Variants in BRD4 observed in about 807,000 individuals in gnomAD.
BRD4 encodes the protein bromodomain-containing protein 4.
A neutral mutation model predicts 142.1 loss-of-function variants in BRD4; 16 were observed. The observed-to-expected ratio is 0.11, with a 90% CI of 0.08 to 0.17. The LOEUF is 0.17. BRD4 is among the 10% of genes least tolerant of loss of function. BRD4 has a pLI of 1.00. For synonymous variants in BRD4, 833 were observed against 707.5 expected, an observed-to-expected ratio of 1.18 and a Z score of -2.82; for missense variants, 1,424 against 1,810.9, an observed-to-expected ratio of 0.79 and a Z score of 3.88.
At chr19:15,253,347 TGGA>T in intron 11 of BRD4, 1 of 592,420 alleles carries the variant, frequency 1.7e-6, no homozygotes, top group Admixed American at 3.1e-5. Flanking sequence ...AGTGCACACT[TGGA>T]GGAGAGCAGT....
intron 1 of BRD4, among the ~76,000 whole-genome samples, chr19:15,322,909 G>A (rs1251260006): frequency 3.3e-5 from 5 of 149,820 alleles, no homozygotes; most frequent in East Asian, 2.0e-4. Flanking sequence ...AATTAGCCGG[G>A]TGTGGTGGTG....
At chr19:15,323,446 T>C (rs1568412893) in intron 1 of BRD4, among the ~76,000 whole-genome samples, 2 of 152,124 alleles carry the variant, frequency 1.3e-5, no homozygotes, top group South Asian at 2.1e-4. Context: ...ATGATAATGA[T>C]CTGCTCCCAC....
chr19:15,304,363 G>C (rs1051802678), intron 1 of BRD4, among the ~76,000 whole-genome samples: 3 of 152,198 alleles, frequency 2.0e-5, no homozygotes, highest in Non-Finnish European at 4.4e-5. Context: ...GCCTAACCAA[G>C]CTGTGCCTGG....
chr19:15,241,040 C>T (rs1275167926), intron 14 of BRD4, among the ~76,000 whole-genome samples: 2 of 152,208 alleles, frequency 1.3e-5, no homozygotes, highest in African/African-American at 4.8e-5. Flanking sequence ...GGTAGATCCT[C>T]TCTAGAGCCA....
In BRD4 at chr19:15,256,107, G is replaced by T; in HGVS notation, c.1708C>A (p.Pro570Thr). The change falls in exon 9 of 20, where the codon CCT becomes ACT. Residue 570 changes from proline (P) to threonine (T), a missense_variant. Pro to Thr is a conservative substitution (Grantham distance 38, BLOSUM62 -1). Around this residue, in one of 16 missense-constraint regions of BRD4, gnomAD observed 86 missense variants for 78.9 expected, o/e 1.09. Coordinates refer to ENST00000679869, the MANE Select transcript of BRD4 (RefSeq NM_001379291.1). The part of the protein sequence containing the change: ...NKKSKAKEPP[P>T]KKTKKNNSSN... ...CTATTATTTTTCTTCGTCTTTTTAG[G>T]AGGAGGTTCCTTGGCTTTGCTTTTT... 1 of 1,611,826 alleles carries T rather than the reference G, an allele frequency of 6.2e-7. No homozygotes were observed. Among genetic ancestry groups the T allele is most frequent in the East Asian group, 2.2e-5 (1 of 44,878 alleles).
intron 1 of BRD4, among the ~76,000 whole-genome samples, chr19:15,310,602 G>A (rs1008984715): frequency 2.0e-5 from 3 of 151,590 alleles, no homozygotes; most frequent in Non-Finnish European, 4.4e-5. Flanking sequence ...CTCGTGATCC[G>A]CCCGCCTCGG....
intron 1 of BRD4, among the ~76,000 whole-genome samples, chr19:15,323,742 G>A (rs1187772051): frequency 6.6e-6 from 1 of 152,124 alleles, no homozygotes; most frequent in Non-Finnish European, 1.5e-5. Context: ...CAGCAGCTAG[G>A]AACAAATAAA....
chr19:15,277,747 G>A (rs149538335), intron 1 of BRD4, among the ~76,000 whole-genome samples: 189 of 151,024 alleles, frequency 1.3e-3, no homozygotes, highest in African/African-American at 4.3e-3. Context: ...CAGAGATGGC[G>A]CCACTATACT....
intron 1 of BRD4, among the ~76,000 whole-genome samples, chr19:15,322,259 GGTTTT>G (rs756245664): frequency 4.3e-4 from 65 of 152,160 alleles, no homozygotes; most frequent in African/African-American, 6.5e-4. Context: ...CATGACCCAT[GGTTTT>G]GTTTTGTTTT....
rs568438787 is a variant in BRD4 at position 15,258,462 on chromosome 19, T to C, written c.1342-1289A>G. On this transcript the variant is annotated intron_variant, in intron 7 of 19. Coordinates refer to ENST00000679869, the MANE Select transcript of BRD4 (RefSeq NM_001379291.1). ...CCATGCCCAACTAATTTTTGTATTT[T>C]TAGCAGAGGCAGCGTTCTACCATGT... Among the ~76,000 whole-genome samples the C allele has an allele frequency of 2.1e-3, 327 of 152,296 alleles. 1 individual carries two copies. Among genetic ancestry groups the C allele is most frequent in the Non-Finnish European group, 3.6e-3 (244 of 68,014 alleles).
intron 1 of BRD4, among the ~76,000 whole-genome samples, chr19:15,301,811 A>C (rs1006078101): frequency 4.7e-5 from 7 of 149,422 alleles, no homozygotes; most frequent in Non-Finnish European, 1.0e-4. Flanking sequence ...CAGTAAGCCG[A>C]AGACTGTGCC....
At chr19:15,313,201 C>CT in intron 1 of BRD4, among the ~76,000 whole-genome samples, 1 of 149,440 alleles carries the variant, frequency 6.7e-6, no homozygotes, top group Non-Finnish European at 1.5e-5. Flanking sequence ...GAAACCCCGT[C>CT]TCTCTACTCA....
At chr19:15,251,376 A>C (rs542997711) in intron 11 of BRD4, among the ~76,000 whole-genome samples, 1 of 141,794 alleles carries the variant, frequency 7.1e-6, no homozygotes, top group African/African-American at 2.6e-5. Context: ...ACCCCGTAGT[A>C]TAAGTGACAA....
intron 11 of BRD4, among the ~76,000 whole-genome samples, chr19:15,246,052 A>G (rs550468428): frequency 6.6e-6 from 1 of 152,246 alleles, no homozygotes; most frequent in African/African-American, 2.4e-5. Context: ...ACAGACACAG[A>G]CCTCAGCAGC....
Position 15,236,058 on chromosome 19 carries a change from CGAA to C in BRD4, c.*2316_*2318del, listed in dbSNP as rs1327137095. 2 of 152,208 alleles carry C rather than the reference CGAA, an allele frequency of 1.3e-5. No individual in the cohort carries two copies. Among genetic ancestry groups the C allele is most frequent in the Admixed American group, 6.5e-5 (1 of 15,278 alleles). 9.4% of individuals were successfully genotyped at this position (152,208 alleles called of 1,614,324 possible). A position where few individuals can be genotyped will look rare whatever the true frequency, so the allele number is the denominator to read the frequency against. On this transcript the variant is annotated 3_prime_UTR_variant, in exon 20 of 20. Transcript: ENST00000679869. ...AAAGTGCCTGAGTGGGCATGGACAT[CGAA>C]GAAGTGGGGGGACCTCTGGCTGGAT...
chr19:15,249,250 A>C (rs1466363378), intron 11 of BRD4: 2 of 1,613,988 alleles, frequency 1.2e-6, no homozygotes, highest in Admixed American at 1.7e-5. Flanking sequence ...GGAACTGAAG[A>C]CCGTTTTATT....
chr19:15,327,402 G>C (rs1188175644), intron 1 of BRD4, among the ~76,000 whole-genome samples: 1 of 152,024 alleles, frequency 6.6e-6, no homozygotes, highest in African/African-American at 2.4e-5. Context: ...AAATTAGCCG[G>C]GCATGGTGGC....
intron 1 of BRD4, among the ~76,000 whole-genome samples, chr19:15,326,279 A>T (rs2048107781): frequency 6.6e-6 from 1 of 151,826 alleles, no homozygotes; most frequent in South Asian, 2.1e-4. Flanking sequence ...TGGGGACAAC[A>T]TGGCAAAATC....
intron 1 of BRD4, among the ~76,000 whole-genome samples, chr19:15,291,466 G>T (rs1362549513): frequency 1.3e-5 from 2 of 152,154 alleles, no homozygotes; most frequent in Non-Finnish European, 2.9e-5. Context: ...AGAAATGTAG[G>T]TGGCAGATGG....
Sources: gnomAD v4.1 joint callset for allele counts (sites outside exome capture counted in the v4.1 genomes callset) on GRCh38, gnomAD v4.1.1 for gene constraint, gnomAD v4.1.1 regional missense constraint, MANE v1.5 for transcripts, NCBI Gene and HGNC (gene_info 2026-07-23, HGNC 2026-07-21) for gene names.